The following DCC variants were observed in gnomAD, a reference collection of about 807,000 sequenced individuals.
The protein encoded by DCC is netrin receptor DCC.
DCC carries 58 observed loss-of-function variants against 172.5 expected under a neutral mutation model. The observed-to-expected ratio is 0.34, with a 90% CI of 0.27 to 0.42. The LOEUF is 0.42. Ranked by LOEUF, DCC falls within the 10% of genes least tolerant of loss-of-function variation. The pLI, the probability that DCC is intolerant of heterozygous loss-of-function variation, is 1.00. For missense variants in DCC, 1,740 were observed against 1,791.0 expected, an observed-to-expected ratio of 0.97 and a Z score of 0.51; for synonymous variants, 709 against 644.5, an observed-to-expected ratio of 1.10 and a Z score of -1.52.
chr18:53,274,586 A>C (rs1294110186), intron 12 of DCC, among the ~76,000 whole-genome samples: 1 of 152,178 alleles, frequency 6.6e-6, no homozygotes, highest in African/African-American at 2.4e-5. Context: ...AAAACTGAAC[A>C]TATCTACTCC....
intron 2 of DCC, among the ~76,000 whole-genome samples, chr18:52,762,019 C>A (rs548242360): frequency 1.5e-3 from 235 of 151,928 alleles, no homozygotes; most frequent in African/African-American, 5.2e-3. Context: ...TCTTAACCAG[C>A]GCTTATTGTG....
In DCC at chr18:52,797,010, C is replaced by T. The variant is rs1396297751; in HGVS notation, c.412+44636C>T. Among the ~76,000 whole-genome samples the T allele has an allele frequency of 7.4e-5, 11 of 148,862 alleles. No homozygotes were observed. The South Asian group carries it at 1.7e-3, about 23-fold the overall frequency. Reference sequence around the variant, plus strand: ...TCACATAGGCTTTCTTCATTCATTCCTTTTTTTTTTCTTCTGCCTGCATTA... The same window carrying T: ...TCACATAGGCTTTCTTCATTCATTCTTTTTTTTTTTCTTCTGCCTGCATTA... On this transcript the variant is annotated intron_variant, in intron 2 of 28. Transcript: ENST00000442544.
chr18:52,794,913 A>G (rs1351921161), intron 2 of DCC, among the ~76,000 whole-genome samples: 1 of 151,880 alleles, frequency 6.6e-6, no homozygotes, highest in South Asian at 2.1e-4. Context: ...TCTTCTATTG[A>G]TGTGGTGTAT....
intron 2 of DCC, among the ~76,000 whole-genome samples, chr18:52,883,376 G>GTGTT (rs1238055418): frequency 7.9e-6 from 1 of 126,536 alleles, no homozygotes; most frequent in African/African-American, 2.6e-5. Flanking sequence ...GTGTGTGTGT[G>GTGTT]TGTGTGTGTG....
intron 1 of DCC, among the ~76,000 whole-genome samples, chr18:52,356,725 A>G (rs12954145): frequency 0.67 from 102,338 of 151,896 alleles, 34,726 homozygotes; most frequent in African/African-American, 0.74. Flanking sequence ...TTATGAGAGT[A>G]GGGGCCAGCT....
intron 7 of DCC, among the ~76,000 whole-genome samples, chr18:53,106,375 A>C (rs1368663836): frequency 6.6e-6 from 1 of 151,842 alleles, no homozygotes; most frequent in Admixed American, 6.6e-5. Context: ...GGTACTGGGA[A>C]GGTATATATG....
intron 3 of DCC, among the ~76,000 whole-genome samples, chr18:52,918,647 C>G (rs1399122710): frequency 1.3e-5 from 2 of 152,124 alleles, no homozygotes. Flanking sequence ...TTCCATCACA[C>G]AACATTAACC....
At chr18:52,550,445 T>A (rs1420250036) in intron 1 of DCC, among the ~76,000 whole-genome samples, 1 of 152,186 alleles carries the variant, frequency 6.6e-6, no homozygotes, top group Non-Finnish European at 1.5e-5. Flanking sequence ...TTCTATTTGA[T>A]GAACGGTTTC....
chr18:52,802,692 C>T (rs1301022449), intron 2 of DCC, among the ~76,000 whole-genome samples: 3 of 95,520 alleles, frequency 3.1e-5, no homozygotes, highest in Admixed American at 1.6e-4. Flanking sequence ...TTAATGGAGA[C>T]ACAGGGTCTC....
intron 2 of DCC, among the ~76,000 whole-genome samples, chr18:52,837,513 G>A (rs547805614): frequency 4.6e-5 from 7 of 152,178 alleles, no homozygotes; most frequent in South Asian, 2.1e-4. Context: ...TTTGCATAAC[G>A]AGAGTGACCT....
chr18:53,416,027 A>G lies in DCC; in HGVS notation c.3131-97A>G, dbSNP rs1910292401. 8 of 875,008 alleles carry G rather than the reference A, an allele frequency of 9.1e-6. No individual in the cohort carries two copies. In the East Asian group the frequency reaches 2.0e-4, roughly 22 times the overall value. 54.2% of individuals were successfully genotyped at this position (875,008 alleles called of 1,614,324 possible). A position where few individuals can be genotyped will look rare whatever the true frequency, so the allele number is the denominator to read the frequency against. On this transcript the variant is annotated intron_variant, in intron 20 of 28. Coordinates refer to ENST00000442544, the MANE Select transcript of DCC (RefSeq NM_005215.4). Reference sequence around the variant, plus strand: ...TATTTCAAGAGGGCACTAGCTTTGAAATAAAAACTTACTAAAAAGAACTGT... The same window carrying G: ...TATTTCAAGAGGGCACTAGCTTTGAGATAAAAACTTACTAAAAAGAACTGT...
intron 7 of DCC, among the ~76,000 whole-genome samples, chr18:53,128,858 CACACACACACACATATAT>C (rs1439037072): frequency 2.6e-5 from 2 of 75,486 alleles, no homozygotes; most frequent in African/African-American, 1.0e-4. Context: ...CACACACACA[CACACACACACACATATAT>C]ATATATATAT....
chr18:52,398,848 A>G (rs1353570831), intron 1 of DCC, among the ~76,000 whole-genome samples: 2 of 151,896 alleles, frequency 1.3e-5, no homozygotes, highest in African/African-American at 4.8e-5. Flanking sequence ...GTCCTTTTCT[A>G]ATTAGGTTCG....
intron 1 of DCC, among the ~76,000 whole-genome samples, chr18:52,431,220 C>T (rs1018557245): frequency 6.6e-6 from 1 of 151,958 alleles, no homozygotes; most frequent in African/African-American, 2.4e-5. Flanking sequence ...TTTACAAGTC[C>T]TCTAGGTGAT....
chr18:52,410,812 G>T (rs1986818894), intron 1 of DCC, among the ~76,000 whole-genome samples: 1 of 152,126 alleles, frequency 6.6e-6, no homozygotes, highest in African/African-American at 2.4e-5. Context: ...ATATGGGTAA[G>T]ATTAAAACTG....
intron 1 of DCC, among the ~76,000 whole-genome samples, chr18:52,629,897 C>T (rs1041020647): frequency 3.8e-5 from 5 of 130,744 alleles, no homozygotes; most frequent in Admixed American, 9.8e-5. Flanking sequence ...TTGCAGTGAG[C>T]GGAGATGGCG....
intron 15 of DCC, among the ~76,000 whole-genome samples, chr18:53,374,743 A>C (rs1270864424): frequency 1.3e-5 from 2 of 152,172 alleles, no homozygotes; most frequent in East Asian, 3.8e-4. Context: ...TGTTGAGTGA[A>C]ATGGCAAAAT....
intron 9 of DCC, among the ~76,000 whole-genome samples, chr18:53,195,296 C>T (rs953118628): frequency 2.0e-5 from 3 of 152,108 alleles, no homozygotes; most frequent in Non-Finnish European, 4.4e-5. Flanking sequence ...AATTAGAGTT[C>T]TGTGAATACT....
intron 27 of DCC, among the ~76,000 whole-genome samples, chr18:53,510,216 C>T (rs2046233765): frequency 6.6e-6 from 1 of 152,162 alleles, no homozygotes; most frequent in African/African-American, 2.4e-5. Context: ...TTAATGACTG[C>T]ACACACATTT....
Sources: gnomAD v4.1 joint callset for allele counts (sites outside exome capture counted in the v4.1 genomes callset) on GRCh38, gnomAD v4.1.1 for gene constraint, MANE v1.5 for transcripts, NCBI Gene and HGNC (gene_info 2026-07-23, HGNC 2026-07-21) for gene names.